Variants in CSMD1 observed in about 807,000 individuals in gnomAD.
The protein encoded by CSMD1 is CUB and Sushi multiple domains 1.
Under a neutral mutation model 417.5 loss-of-function variants are expected in CSMD1, and 213 were observed. The ratio of observed to expected loss-of-function variants is 0.51; its 90% CI spans 0.46 to 0.57. CSMD1 has a LOEUF of 0.57. Ranked by LOEUF, CSMD1 falls within the 20% of genes least tolerant of loss-of-function variation. CSMD1 has a pLI of 0.00. For synonymous variants in CSMD1, 2,862 were observed against 1,736.8 expected, an observed-to-expected ratio of 1.65 and a Z score of -16.11; for missense variants, 6,923 against 4,529.7, an observed-to-expected ratio of 1.53 and a Z score of -15.17.
chr8:4,555,063 T>C (rs769486937), intron 2 of CSMD1, among the ~76,000 whole-genome samples: 1 of 152,194 alleles, frequency 6.6e-6, no homozygotes, highest in Non-Finnish European at 1.5e-5. Flanking sequence ...CAATTCCAAG[T>C]AGGCCATGGC....
rs183695388 is a variant in CSMD1, at chr8:3,042,781, G to C, written c.7660+9681C>G. The stretch of plus-strand genomic sequence containing the variant: ...CCTGGTGCTCATAGACATAACCTTA[G>C]TTTTTCTACATTGAGTTATTTATAT... On this transcript the variant is annotated intron_variant, in intron 50 of 69. Transcript: ENST00000635120. 2.2e-3 allele frequency among the ~76,000 whole-genome samples: 338 copies of C among 152,152 alleles called. 3 individuals are homozygous for C. Among genetic ancestry groups the C allele is most frequent in the Admixed American group, 3.9e-3 (60 of 15,278 alleles).
At chr8:3,791,846 T>A (rs778453480) in intron 5 of CSMD1, among the ~76,000 whole-genome samples, 210 of 148,036 alleles carry the variant, frequency 1.4e-3, no homozygotes, top group Middle Eastern at 6.9e-3. Flanking sequence ...AATAAAAAAA[T>A]AATGTATCAA....
chr8:4,788,016 G>C (rs1797500431), intron 1 of CSMD1: 2 of 1,590,078 alleles, frequency 1.3e-6, no homozygotes, highest in African/African-American at 1.3e-5. Flanking sequence ...GGATCTCAAA[G>C]AAGTAACTCC....
At chr8:4,901,655 G>C (rs1283883485) in intron 1 of CSMD1, among the ~76,000 whole-genome samples, 3 of 152,066 alleles carry the variant, frequency 2.0e-5, no homozygotes, top group Non-Finnish European at 4.4e-5. Flanking sequence ...AGTTTGCAAG[G>C]CTCTTTGTAG....
intron 25 of CSMD1, among the ~76,000 whole-genome samples, chr8:3,295,314 C>A (rs955382437): frequency 1.3e-5 from 2 of 151,678 alleles, no homozygotes; most frequent in Non-Finnish European, 2.9e-5. Flanking sequence ...TTTTAGTAGA[C>A]ACGGGGTTTC....
intron 8 of CSMD1, among the ~76,000 whole-genome samples, chr8:3,600,337 T>A (rs2117075521): frequency 6.6e-6 from 1 of 152,284 alleles, no homozygotes; most frequent in Non-Finnish European, 1.5e-5. Flanking sequence ...AGTGGGTGGA[T>A]TTATTACCTT....
chr8:3,870,725 T>A (rs987423604), intron 5 of CSMD1, among the ~76,000 whole-genome samples: 1 of 152,170 alleles, frequency 6.6e-6, no homozygotes, highest in African/African-American at 2.4e-5. Context: ...TATTCTCCTC[T>A]GTTAATGTCC....
intron 3 of CSMD1, among the ~76,000 whole-genome samples, chr8:4,287,847 TC>T (rs1563393437): frequency 6.6e-6 from 1 of 152,078 alleles, no homozygotes; most frequent in East Asian, 1.9e-4. Flanking sequence ...GAGAAGTGCC[TC>T]CCCTGTTCCT....
rs570570746 is a variant in CSMD1, at chr8:4,128,200, A to G, written c.416-96101T>C. Among the ~76,000 whole-genome samples the G allele has an allele frequency of 7.2e-5, 11 of 152,226 alleles. No homozygotes were observed. The South Asian group carries it at 2.3e-3, about 32-fold the overall frequency. ...ACCCCTGCGGAAAAAGTGCCCTGAG[A>G]AAACAGCAGCTCCTCCTTGAAAGGC... is the stretch of plus-strand genomic sequence containing the variant. On this transcript the variant is annotated intron_variant, in intron 3 of 69. Transcript: ENST00000635120.
intron 16 of CSMD1, among the ~76,000 whole-genome samples, chr8:3,397,249 G>C (rs1023633389): frequency 6.6e-6 from 1 of 152,162 alleles, no homozygotes; most frequent in African/African-American, 2.4e-5. Context: ...CAGTCACTTT[G>C]AGCCAAAGGA....
chr8:3,071,114 A>G (rs1178871479), intron 49 of CSMD1, among the ~76,000 whole-genome samples: 4 of 152,184 alleles, frequency 2.6e-5, no homozygotes, highest in African/African-American at 9.7e-5. Flanking sequence ...ACTTATTATC[A>G]TGAAGATAGC....
At position 3,758,913 on chromosome 8, in the gene CSMD1, G is replaced by T. The variant is rs191466346; in HGVS notation, c.819-4871C>A. On this transcript the variant is annotated intron_variant, in intron 5 of 69. Transcript: ENST00000635120. ...TGGAAGACAGAGGCAGGAGGACAAG[G>T]TTCCAGGTAGAAGAGCCTGTGGACA... Among the ~76,000 whole-genome samples, 86 of 152,282 alleles carry T rather than the reference G, an allele frequency of 5.6e-4. 1 individual carries two copies. The highest frequency in any genetic ancestry group is 2.6e-3 in the Admixed American group (40 of 15,290).
intron 3 of CSMD1, among the ~76,000 whole-genome samples, chr8:4,341,557 G>A (rs750094925): frequency 6.6e-6 from 1 of 152,104 alleles, no homozygotes; most frequent in Admixed American, 6.6e-5. Context: ...TTCCTACAGT[G>A]TGATTTTGAG....
At chr8:4,789,380 G>A (rs375885169) in intron 1 of CSMD1, among the ~76,000 whole-genome samples, 4 of 152,086 alleles carry the variant, frequency 2.6e-5, no homozygotes, top group South Asian at 2.1e-4. Flanking sequence ...GTAGCTCTCT[G>A]GCTCTGGGTG....
chr8:3,412,080 A>ATG (rs1812832788), intron 12 of CSMD1, among the ~76,000 whole-genome samples: 1 of 22,428 alleles, frequency 4.5e-5, no homozygotes, highest in Non-Finnish European at 8.6e-5. Context: ...ACATATATAC[A>ATG]TATATATACA....
In CSMD1 at chr8:4,724,863, T is replaced by C. The variant is rs543063800; in HGVS notation, c.86-87305A>G. On this transcript the variant is annotated intron_variant, in intron 1 of 69. Transcript: ENST00000635120. ...TTAAATTTGAAATCTGACGGAAGTATACTTCACTATTAAAACCTCAACTAT... is the reference window on the plus strand; with the variant it reads ...TTAAATTTGAAATCTGACGGAAGTACACTTCACTATTAAAACCTCAACTAT... Among the ~76,000 whole-genome samples, 265 of 152,210 alleles carry C rather than the reference T, an allele frequency of 1.7e-3. 1 individual carries two copies. The highest frequency in any genetic ancestry group is 6.0e-3 in the African/African-American group (249 of 41,554).
intron 51 of CSMD1, among the ~76,000 whole-genome samples, chr8:3,023,969 T>C (rs1478078032): frequency 2.6e-5 from 4 of 152,134 alleles, no homozygotes; most frequent in Non-Finnish European, 4.4e-5. Context: ...AGTGACACTG[T>C]GTATCTTCTA....
At chr8:3,857,514 G>T (rs1049945827) in intron 5 of CSMD1, among the ~76,000 whole-genome samples, 1 of 152,176 alleles carries the variant, frequency 6.6e-6, no homozygotes, top group Non-Finnish European at 1.5e-5. Context: ...AGAAATAGTA[G>T]ATGATTTGCT....
intron 26 of CSMD1, among the ~76,000 whole-genome samples, chr8:3,251,479 G>C (rs945184188): frequency 6.6e-6 from 1 of 152,176 alleles, no homozygotes; most frequent in African/African-American, 2.4e-5. Context: ...TTGTAGTATA[G>C]TTTGAAGTCA....
Sources: gnomAD v4.1 joint callset for allele counts (sites outside exome capture counted in the v4.1 genomes callset) on GRCh38, gnomAD v4.1.1 for gene constraint, MANE v1.5 for transcripts, NCBI Gene and HGNC (gene_info 2026-07-23, HGNC 2026-07-21) for gene names.